RBFOX1: variants seen among roughly 807,000 people sequenced by gnomAD.
RBFOX1 encodes the protein RNA binding fox-1 homolog 1, also known as RNA binding protein fox-1 homolog 1.
In RBFOX1, 8 loss-of-function variants were observed where a neutral mutation model predicts 57.7. The observed-to-expected ratio is 0.14, with a 90% CI of 0.08 to 0.25. The LOEUF is 0.25. Ranked by LOEUF, RBFOX1 falls within the 10% of genes least tolerant of loss-of-function variation. The pLI, the probability that RBFOX1 is intolerant of heterozygous loss-of-function variation, is 1.00. For missense variants in RBFOX1, 611 were observed against 548.5 expected (o/e 1.11, Z -1.14); for synonymous variants, 326 against 222.4 (o/e 1.47, Z -4.15).
intron 4 of RBFOX1, among the ~76,000 whole-genome samples, chr16:7,077,398 A>C (rs1208446303): frequency 6.6e-6 from 1 of 152,212 alleles, no homozygotes; most frequent in Non-Finnish European, 1.5e-5. Context: ...AATTCAGGTT[A>C]GTGTAGGTGG....
intron 3 of RBFOX1, among the ~76,000 whole-genome samples, chr16:6,985,110 C>CCCCTACCCTA (rs528617006): frequency 6.5e-4 from 99 of 151,996 alleles, no homozygotes; most frequent in African/African-American, 2.3e-3. Context: ...CTCCTTCCTT[C>CCCCTACCCTA]CCCTACCCTA....
At chr16:7,478,760 A>G (rs1289715413) in intron 4 of RBFOX1, among the ~76,000 whole-genome samples, 3 of 152,158 alleles carry the variant, frequency 2.0e-5, no homozygotes, top group Non-Finnish European at 2.9e-5. Flanking sequence ...GACTCCGCTT[A>G]TTGCTGGATT....
chr16:5,608,615 G>T (rs190980176), intron 3 of RBFOX1, among the ~76,000 whole-genome samples: 2 of 152,384 alleles, frequency 1.3e-5, no homozygotes, highest in East Asian at 3.9e-4. Context: ...GAGAGCACTA[G>T]AGAAGGTTTA....
At chr16:6,357,310 T>A (rs545242089) in intron 2 of RBFOX1, among the ~76,000 whole-genome samples, 49 of 152,138 alleles carry the variant, frequency 3.2e-4, no homozygotes, top group African/African-American at 7.5e-4. Flanking sequence ...AGGGAGAGAC[T>A]GGGGAGCCAG....
rs138136230 is a variant in RBFOX1, at chr16:6,898,414, C to T, written c.-15-153643C>T. On this transcript the variant is annotated intron_variant, in intron 3 of 15. Transcript: ENST00000550418. ...TGCACCCCAGCCCCTGACATTTCAGCTTGTTATGTGGCTGTGGTAGTAAGC... is the reference window on the plus strand; with the variant it reads ...TGCACCCCAGCCCCTGACATTTCAGTTTGTTATGTGGCTGTGGTAGTAAGC... 1.8e-3 allele frequency among the ~76,000 whole-genome samples: 279 copies of T among 152,250 alleles called. 4 individuals are homozygous for T. The East Asian group carries it at 0.044, about 24-fold the overall frequency.
Position 5,607,919 on chromosome 16 carries a change from T to A in RBFOX1, c.318+8958T>A, listed in dbSNP as rs1359943662. ...CATTGTATGATTGGACCATAATGTATCCATTCTCCCATGGATGAGCATTGG... is the reference window on the plus strand; with the variant it reads ...CATTGTATGATTGGACCATAATGTAACCATTCTCCCATGGATGAGCATTGG... On this transcript the variant is annotated intron_variant, in intron 3 of 19. Transcript: ENST00000641259. Among the ~76,000 whole-genome samples, 3 of 152,340 alleles carry A rather than the reference T, an allele frequency of 2.0e-5. No homozygotes were observed. The East Asian group carries it at 5.8e-4, about 29-fold the overall frequency.
At chr16:7,051,450 C>G (rs187553103) in intron 3 of RBFOX1, among the ~76,000 whole-genome samples, 3 of 152,262 alleles carry the variant, frequency 2.0e-5, no homozygotes, top group Middle Eastern at 3.4e-3. Context: ...TTGCTAATAC[C>G]CACTTTCCTA....
intron 3 of RBFOX1, among the ~76,000 whole-genome samples, chr16:5,810,630 C>T (rs2055388622): frequency 3.3e-5 from 5 of 152,168 alleles, no homozygotes. Context: ...GCCCGTGGAA[C>T]TCCTAAACAG....
At chr16:6,685,136 T>C (rs17667084) in intron 3 of RBFOX1, among the ~76,000 whole-genome samples, 9,297 of 152,290 alleles carry the variant, frequency 0.061, 401 homozygotes, top group Non-Finnish European at 0.092. Flanking sequence ...AAATACGAGC[T>C]GTCACCTTTT....
At chr16:5,765,220 T>G (rs538701089) in intron 3 of RBFOX1, among the ~76,000 whole-genome samples, 1 of 152,280 alleles carries the variant, frequency 6.6e-6, no homozygotes, top group Admixed American at 6.5e-5. Flanking sequence ...TGCTTAAATC[T>G]GATCACTGGA....
chr16:7,165,413 A>G (rs201273974), intron 4 of RBFOX1, among the ~76,000 whole-genome samples: 2 of 141,218 alleles, frequency 1.4e-5, no homozygotes, highest in Admixed American at 7.0e-5. Flanking sequence ...TAATAATGAT[A>G]ATAATCATTA....
chr16:5,651,226 T>A (rs925742569), intron 3 of RBFOX1, among the ~76,000 whole-genome samples: 1 of 151,672 alleles, frequency 6.6e-6, no homozygotes, highest in Non-Finnish European at 1.5e-5. Flanking sequence ...CTAATTTTTG[T>A]CTTTTTAGTA....
intron 4 of RBFOX1, among the ~76,000 whole-genome samples, chr16:7,283,385 T>G (rs548910455): frequency 1.3e-5 from 2 of 152,052 alleles, no homozygotes; most frequent in Non-Finnish European, 2.9e-5. Context: ...CATGGATCAG[T>G]GTCCACCATG....
At chr16:6,564,095 T>G (rs935364173) in intron 2 of RBFOX1, among the ~76,000 whole-genome samples, 2 of 152,096 alleles carry the variant, frequency 1.3e-5, no homozygotes, top group Non-Finnish European at 2.9e-5. Context: ...CTTCTGGATG[T>G]TCTTGTAGCC....
At chr16:6,178,860 G>T (rs1222486333) in intron 1 of RBFOX1, among the ~76,000 whole-genome samples, 2 of 152,144 alleles carry the variant, frequency 1.3e-5, no homozygotes, top group East Asian at 1.9e-4. Flanking sequence ...ATACAGATTG[G>T]CATTTTCTGT....
At chr16:7,273,240 T>C (rs138566395) in intron 4 of RBFOX1, among the ~76,000 whole-genome samples, 4,626 of 122,836 alleles carry the variant, frequency 0.038, 430 homozygotes, top group African/African-American at 0.069. Flanking sequence ...CTTCCTTCCT[T>C]CCTTCCTTCC....
intron 2 of RBFOX1, among the ~76,000 whole-genome samples, chr16:6,414,274 C>T (rs1473658015): frequency 6.6e-6 from 1 of 152,214 alleles, no homozygotes; most frequent in Non-Finnish European, 1.5e-5. Flanking sequence ...ACCTAATGTA[C>T]TTGTGTATGT....
At chr16:6,537,084 A>G (rs940474830) in intron 2 of RBFOX1, among the ~76,000 whole-genome samples, 2 of 152,118 alleles carry the variant, frequency 1.3e-5, no homozygotes, top group Non-Finnish European at 2.9e-5. Flanking sequence ...ACATGCTCTA[A>G]TGAATTTTCC....
chr16:7,689,385 T>C (rs1429218401), intron 14 of RBFOX1, among the ~76,000 whole-genome samples: 1 of 152,132 alleles, frequency 6.6e-6, no homozygotes, highest in East Asian at 1.9e-4. Flanking sequence ...TTCAGCAAGG[T>C]TGCCCAAACT....
Sources: gnomAD v4.1 joint callset for allele counts (sites outside exome capture counted in the v4.1 genomes callset) on GRCh38, gnomAD v4.1.1 for gene constraint, MANE v1.5 for transcripts, NCBI Gene and HGNC (gene_info 2026-07-23, HGNC 2026-07-21) for gene names.